The following FABP12 variants were observed in gnomAD, a reference collection of about 807,000 sequenced individuals.
FABP12 encodes fatty acid-binding protein 12.
In FABP12, 19 loss-of-function variants were observed where a neutral mutation model predicts 13.7. The ratio of observed to expected loss-of-function variants is 1.39; its 90% CI spans 0.97 to 2.04. The LOEUF is 2.04. Ranked by LOEUF, FABP12 falls within the 30% of genes most tolerant of loss-of-function variation. The pLI is 0.00. For synonymous variants in FABP12, 61 were observed against 57.0 expected (o/e 1.07, Z -0.32); for missense variants, 182 against 164.2 (o/e 1.11, Z -0.59).
chr8:81,580,778 C>T (rs746056089), intron 1 of FABP12, among the ~76,000 whole-genome samples: 17 of 146,616 alleles, frequency 1.2e-4, no homozygotes, highest in South Asian at 2.2e-4. Context: ...CCCTGCCCAA[C>T]TGTCTCCTTA....
intron 1 of FABP12, among the ~76,000 whole-genome samples, chr8:81,552,685 CTT>C (rs1384409355): frequency 6.6e-6 from 1 of 152,082 alleles, no homozygotes; most frequent in Non-Finnish European, 1.5e-5. Flanking sequence ...AGGAAAGTAG[CTT>C]TTTTGGGTCT....
chr8:81,564,286 C>T (rs959671444), intron 1 of FABP12, among the ~76,000 whole-genome samples: 9 of 152,082 alleles, frequency 5.9e-5, no homozygotes, highest in Non-Finnish European at 1.3e-4. Context: ...GAAGGGAGTT[C>T]TTTAATCAGA....
chr8:81,532,526 A>ACC (rs1809098388), intron 1 of FABP12, among the ~76,000 whole-genome samples: 1 of 152,222 alleles, frequency 6.6e-6, no homozygotes, highest in South Asian at 2.1e-4. Context: ...ATGGTTGGTA[A>ACC]AGATACTATA....
intron 1 of FABP12, among the ~76,000 whole-genome samples, chr8:81,579,791 G>T (rs892823477): frequency 1.3e-5 from 2 of 152,086 alleles, no homozygotes; most frequent in Non-Finnish European, 1.5e-5. Context: ...TAAAGTCAAA[G>T]GTTTAACCAT....
At chr8:81,555,434 T>G (rs896224412) in intron 1 of FABP12, among the ~76,000 whole-genome samples, 2 of 152,210 alleles carry the variant, frequency 1.3e-5, no homozygotes, top group Non-Finnish European at 2.9e-5. Context: ...ACCAGACAAA[T>G]GGTTCCAATT....
intron 1 of FABP12, among the ~76,000 whole-genome samples, chr8:81,586,671 C>A (rs1743373160): frequency 6.6e-6 from 1 of 152,082 alleles, no homozygotes; most frequent in South Asian, 2.1e-4. Context: ...ATGTCCTTTG[C>A]CCACTTTTTT....
intron 4 of FABP12, chr8:81,525,725 TAA>T (rs1808883855): frequency 6.6e-6 from 1 of 152,236 alleles, no homozygotes; most frequent in African/African-American, 2.4e-5. Flanking sequence ...ATTTGGAATT[TAA>T]GTTTTTATTT....
intron 1 of FABP12, among the ~76,000 whole-genome samples, chr8:81,573,277 C>A (rs1476335334): frequency 1.3e-5 from 2 of 152,136 alleles, no homozygotes; most frequent in African/African-American, 2.4e-5. Flanking sequence ...GGGTTTATTT[C>A]TGTGTTCTCT....
chr8:81,559,308 C>T lies in FABP12; in HGVS notation c.-184-19565G>A, dbSNP rs188448079. Among the ~76,000 whole-genome samples the T allele has an allele frequency of 3.2e-3, 489 of 152,280 alleles. 9 individuals are homozygous for T. The highest frequency in any genetic ancestry group is 4.9e-4 in the Non-Finnish European group (33 of 68,016). ...CAGTCCCAGTGACGTTTTATGCCCC[C>T]CCGAGTTGTTAGGCTGTTAAACAGC... is the stretch of plus-strand genomic sequence containing the variant. On this transcript the variant is annotated intron_variant, in intron 1 of 5. Coordinates refer to the FABP12 transcript ENST00000692030.
chr8:81,535,493 A>T (rs1809199705), upstream of FABP12, among the ~76,000 whole-genome samples: 1 of 152,152 alleles, frequency 6.6e-6, no homozygotes. Flanking sequence ...TTACGCATTC[A>T]AGGCCTAGGG....
intron 1 of FABP12, among the ~76,000 whole-genome samples, chr8:81,541,841 C>G (rs975134913): frequency 2.4e-5 from 3 of 122,652 alleles, no homozygotes; most frequent in African/African-American, 1.1e-4. Context: ...AGAAATAGGA[C>G]AGCGTGTAGA....
chr8:81,587,206 T>G (rs1208298760), intron 1 of FABP12, among the ~76,000 whole-genome samples: 2 of 152,224 alleles, frequency 1.3e-5, no homozygotes, highest in African/African-American at 2.4e-5. Context: ...CCTTGTAATA[T>G]AGTTTGAAAT....
chr8:81,531,029 G>C (rs1809059710), intron 2 of FABP12, among the ~76,000 whole-genome samples: 1 of 152,084 alleles, frequency 6.6e-6, no homozygotes, highest in Non-Finnish European at 1.5e-5. Context: ...TGTTTAGTTA[G>C]TTTATGTAAA....
At chr8:81,527,574 G>A (rs1291601139) in intron 3 of FABP12, among the ~76,000 whole-genome samples, 11 of 152,082 alleles carry the variant, frequency 7.2e-5, no homozygotes, top group Non-Finnish European at 1.5e-4. Flanking sequence ...TGTTGGCCAG[G>A]ATGGTCTTGA....
chr8:81,529,953 A>G (rs1234203351), intron 2 of FABP12, among the ~76,000 whole-genome samples: 1 of 152,216 alleles, frequency 6.6e-6, no homozygotes, highest in Non-Finnish European at 1.5e-5. Flanking sequence ...GCTATCAACT[A>G]TCTCCCTATT....
At chr8:81,537,660 G>A (rs150381431), upstream of FABP12, among the ~76,000 whole-genome samples, 3 of 152,256 alleles carry the variant, frequency 2.0e-5, no homozygotes, top group East Asian at 5.8e-4. Flanking sequence ...ACGAAACTGG[G>A]TCATCTCTTA....
At chr8:81,551,628 A>G (rs1294541387) in intron 1 of FABP12, among the ~76,000 whole-genome samples, 1 of 152,202 alleles carries the variant, frequency 6.6e-6, no homozygotes, top group Non-Finnish European at 1.5e-5. Flanking sequence ...ATATTGAAGT[A>G]TATTTAGCTC....
chr8:81,548,403 T>C (rs1809470522), intron 1 of FABP12, among the ~76,000 whole-genome samples: 1 of 152,182 alleles, frequency 6.6e-6, no homozygotes, highest in African/African-American at 2.4e-5. Flanking sequence ...AAAGGAAATT[T>C]GAAATCGTGT....
chr8:81,578,084 T>C (rs933813193), intron 1 of FABP12, among the ~76,000 whole-genome samples: 5 of 152,214 alleles, frequency 3.3e-5, no homozygotes, highest in African/African-American at 1.2e-4. Context: ...TAAACACCAG[T>C]GAACTTTTTA....
Sources: gnomAD v4.1 joint callset for allele counts (sites outside exome capture counted in the v4.1 genomes callset) on GRCh38, gnomAD v4.1.1 for gene constraint, MANE v1.5 for transcripts, NCBI Gene and HGNC (gene_info 2026-07-23, HGNC 2026-07-21) for gene names.